The following AFF3 variants were observed in gnomAD, a reference collection of about 807,000 sequenced individuals.
AFF3 encodes the protein ALF transcription elongation factor 3, also known as AF4/FMR2 family member 3.
AFF3 carries 32 observed loss-of-function variants against 129.7 expected under a neutral mutation model. That is an observed-to-expected ratio of 0.25 (90% CI 0.19 to 0.33). The LOEUF (loss-of-function observed/expected upper bound fraction) is 0.33. Among genes scored for constraint, AFF3 ranks in the 10% least tolerant of loss-of-function variants. AFF3 has a pLI of 1.00. For synonymous variants in AFF3, 644 were observed against 635.4 expected (o/e 1.01, Z -0.20); for missense variants, 1,373 against 1,592.0 (o/e 0.86, Z 2.34).
In AFF3 at chr2:99,582,999, A is replaced by G. The variant is rs764947004; in HGVS notation, c.2592T>C (p.Ser864=). ...SANHCNMNIN[S]VAIPINKNEK... is the part of the protein sequence containing the mutation. Reference sequence around the variant, plus strand: ...CATTTTTATTTATTGGTATTGCCACACTGAAAAAGGAAATTACGGTAATGG... The same window carrying G: ...CATTTTTATTTATTGGTATTGCCACGCTGAAAAAGGAAATTACGGTAATGG... The change falls in exon 17 of 25, where the codon AGT becomes AGC. Residue 864 remains serine (S), a splice_region_variant and synonymous_variant. Transcript: ENST00000672756. The G allele has an allele frequency of 1.9e-6, 3 of 1,613,520 alleles. No homozygotes were observed. The highest frequency in any genetic ancestry group is 2.5e-6 in the Non-Finnish European group (3 of 1,179,664).
At chr2:99,736,294 A>G (rs1478358181) in intron 10 of AFF3, among the ~76,000 whole-genome samples, 1 of 152,172 alleles carries the variant, frequency 6.6e-6, no homozygotes, top group Non-Finnish European at 1.5e-5. Context: ...GCTATTTGGA[A>G]TTTACATATA....
At chr2:100,119,878 A>G (rs1465384921) in intron 2 of AFF3, among the ~76,000 whole-genome samples, 1 of 152,204 alleles carries the variant, frequency 6.6e-6, no homozygotes, top group Non-Finnish European at 1.5e-5. Flanking sequence ...TTTTGAAGGA[A>G]TGTCTAACAG....
chr2:99,752,348 T>G (rs757050589), intron 8 of AFF3, 47 bp from the exon 9 acceptor site: 1 of 1,527,816 alleles, frequency 6.5e-7, no homozygotes, highest in Admixed American at 1.7e-5. Context: ...CAGACAGTAT[T>G]TAAAATCAGC....
intron 13 of AFF3, among the ~76,000 whole-genome samples, chr2:99,612,821 G>A (rs1045585216): frequency 4.6e-5 from 7 of 152,118 alleles, no homozygotes; most frequent in South Asian, 2.1e-4. Flanking sequence ...TAAATAAGCC[G>A]AGGACCTCAT....
intron 11 of AFF3, among the ~76,000 whole-genome samples, chr2:99,673,770 C>T (rs1008191534): frequency 3.3e-5 from 5 of 152,296 alleles, no homozygotes; most frequent in East Asian, 3.9e-4. Flanking sequence ...TCTGAACATT[C>T]GTAGGAGTCA....
intron 11 of AFF3, among the ~76,000 whole-genome samples, chr2:99,724,045 T>G (rs771165021): frequency 8.2e-4 from 124 of 152,038 alleles, no homozygotes; most frequent in Non-Finnish European, 1.3e-3. Flanking sequence ...CATGAGAAAA[T>G]AAATTTCTGT....
chr2:100,079,299 G>A lies in AFF3; in HGVS notation c.53+25103C>T, dbSNP rs185505513. Among the ~76,000 whole-genome samples the A allele has an allele frequency of 2.3e-3, 351 of 152,266 alleles. 1 individual carries two copies. The highest frequency in any genetic ancestry group is 4.1e-3 in the South Asian group (20 of 4,822). ...GGTTGAATCCACAGATGTGGAAACC[G>A]CAGATATGGAGGGCCAACTGTATCA... On this transcript the variant is annotated intron_variant, in intron 4 of 24. Coordinates refer to ENST00000672756, the MANE Select transcript of AFF3 (RefSeq NM_001386135.1).
At chr2:99,699,684 A>G (rs1430161465) in intron 11 of AFF3, among the ~76,000 whole-genome samples, 2 of 152,102 alleles carry the variant, frequency 1.3e-5, no homozygotes, top group African/African-American at 4.8e-5. Flanking sequence ...CTGTCCCTCA[A>G]TTCACACACA....
At chr2:100,000,912 A>G (rs977936688) in intron 7 of AFF3, among the ~76,000 whole-genome samples, 2 of 152,210 alleles carry the variant, frequency 1.3e-5, no homozygotes. Flanking sequence ...GACCAAAGAA[A>G]GGATGAAAGA....
At chr2:99,914,333 T>C (rs756882662) in intron 7 of AFF3, among the ~76,000 whole-genome samples, 1 of 152,200 alleles carries the variant, frequency 6.6e-6, no homozygotes, top group South Asian at 2.1e-4. Context: ...CTGGCTTTTA[T>C]TCTTCAAAAA....
chr2:99,777,177 C>T (rs986707886), intron 8 of AFF3, among the ~76,000 whole-genome samples: 2 of 152,308 alleles, frequency 1.3e-5, no homozygotes, highest in South Asian at 2.1e-4. Flanking sequence ...TGAGCATCTT[C>T]TGAGAACTTC....
In AFF3 at chr2:99,724,524, G is replaced by A. The variant is rs968154715; in HGVS notation, c.1091+2553C>T. Among the ~76,000 whole-genome samples the A allele has an allele frequency of 4.6e-5, 7 of 151,928 alleles. No individual in the cohort carries two copies. The East Asian group carries it at 5.8e-4, about 13-fold the overall frequency. ...CTGACTTCAGGTGATCCACCCACCT[G>A]GGCCTCCCAAAGTGCTGGGATTACA... On this transcript the variant is annotated intron_variant, in intron 11 of 24. Transcript: ENST00000672756.
At chr2:99,908,389 G>A (rs532786110) in intron 7 of AFF3, among the ~76,000 whole-genome samples, 1 of 152,112 alleles carries the variant, frequency 6.6e-6, no homozygotes, top group Non-Finnish European at 1.5e-5. Flanking sequence ...AGAAAACCTA[G>A]GCAATACCAT....
chr2:99,890,946 TGA>T (rs1335861759), intron 7 of AFF3, among the ~76,000 whole-genome samples: 1 of 152,138 alleles, frequency 6.6e-6, no homozygotes, highest in East Asian at 1.9e-4. Context: ...TCATGTGTGG[TGA>T]GGCCAACAGA....
intron 4 of AFF3, among the ~76,000 whole-genome samples, chr2:100,023,030 C>A (rs901773495): frequency 6.6e-6 from 1 of 152,238 alleles, no homozygotes; most frequent in Admixed American, 6.5e-5. Flanking sequence ...GGGCCTCCAT[C>A]TGGGTTTCCC....
At chr2:99,883,187 C>G (rs751777784) in intron 7 of AFF3, among the ~76,000 whole-genome samples, 1 of 152,088 alleles carries the variant, frequency 6.6e-6, no homozygotes, top group Non-Finnish European at 1.5e-5. Context: ...GCATTTTAAC[C>G]TTTGCAATAT....
At chr2:99,634,078 C>A (rs1683388540) in intron 13 of AFF3, among the ~76,000 whole-genome samples, 1 of 152,058 alleles carries the variant, frequency 6.6e-6, no homozygotes, top group South Asian at 2.1e-4. Context: ...CCATGCCCAG[C>A]TAATTTTTGT....
intron 7 of AFF3, among the ~76,000 whole-genome samples, chr2:99,927,399 A>G (rs1362484698): frequency 1.3e-5 from 2 of 152,210 alleles, no homozygotes; most frequent in African/African-American, 2.4e-5. Context: ...ATGCAGCTAC[A>G]AAAAAGAATG....
intron 15 of AFF3, 42 bp from the exon 16 acceptor site, chr2:99,587,320 A>C: frequency 6.2e-7 from 1 of 1,611,740 alleles, no homozygotes; most frequent in South Asian, 1.1e-5. Context: ...CTGGATTTCA[A>C]GAGGTATTAT....
Sources: allele counts gnomAD v4.1 joint callset (sites outside exome capture counted in the v4.1 genomes callset), GRCh38; gene constraint gnomAD v4.1.1; transcripts MANE v1.5; gene names NCBI Gene and HGNC (gene_info 2026-07-23, HGNC 2026-07-21).